UBE2W: variants seen among roughly 807,000 people sequenced by gnomAD.
UBE2W encodes the protein ubiquitin conjugating enzyme E2 W.
In UBE2W, 18 loss-of-function variants were observed where a neutral mutation model predicts 27.2. The ratio of observed to expected loss-of-function variants is 0.66; its 90% confidence interval spans 0.46 to 0.98. The LOEUF (loss-of-function observed/expected upper bound fraction) is 0.98. Ranked by LOEUF, UBE2W falls within the 50% of genes least tolerant of loss-of-function variation. UBE2W has a pLI of 0.00. For missense variants in UBE2W, 90 were observed against 180.2 expected (o/e 0.50, Z 2.87); for synonymous variants, 53 against 57.2 (o/e 0.93, Z 0.33).
intron 1 of UBE2W, among the ~76,000 whole-genome samples, chr8:73,844,719 C>T (rs1012528579): frequency 3.3e-5 from 5 of 151,068 alleles, no homozygotes; most frequent in African/African-American, 9.7e-5. Context: ...TCTGCCCAGC[C>T]GCCCATCGTC....
Position 73,788,121 on chromosome 8 carries a change from G to GA in UBE2W, c.*5980dup, listed in dbSNP as rs1469564997. The GA allele has an allele frequency of 3.1e-5, 30 of 983,346 alleles. No individual in the cohort carries two copies. Among genetic ancestry groups the GA allele is most frequent in the South Asian group, 9.4e-5 (2 of 21,250 alleles). The allele number at this position is 983,346 out of a possible 1,614,324, so 60.9% of individuals were successfully genotyped here. ...ATCCCATTTAGTATTCAAGTCTACA[G>GA]AAAAAATCCAATAACAACTGCTTTA... On this transcript the variant is annotated 3_prime_UTR_variant, in exon 6 of 6. Coordinates refer to ENST00000602593, the MANE Select transcript of UBE2W (RefSeq NM_018299.6).
chr8:73,814,264 G>C (rs1374708847), intron 3 of UBE2W, among the ~76,000 whole-genome samples: 1 of 152,140 alleles, frequency 6.6e-6, no homozygotes, highest in Non-Finnish European at 1.5e-5. Context: ...GGAGTTTCAA[G>C]TAGCTGACAA....
intron 3 of UBE2W, among the ~76,000 whole-genome samples, chr8:73,816,370 C>G (rs891003258): frequency 6.6e-6 from 1 of 152,098 alleles, no homozygotes; most frequent in African/African-American, 2.4e-5. Context: ...AACTGTTATT[C>G]AAAGACTTTG....
chr8:73,848,725 T>A (rs990453504), intron 1 of UBE2W, among the ~76,000 whole-genome samples: 8 of 152,104 alleles, frequency 5.3e-5, no homozygotes, highest in African/African-American at 1.4e-4. Context: ...AGGATGTGAT[T>A]ACCTTTAGGA....
chr8:73,812,930 G>T lies in UBE2W; in HGVS notation c.211-2301C>A, dbSNP rs542827065. On this transcript the variant is annotated intron_variant, in intron 3 of 5. Transcript: ENST00000602593. The stretch of plus-strand genomic sequence containing the variant: ...TGAGGCAGGAGAATTGCTTGAACCC[G>T]GGAGGCAGAGGTTGCAGTGAGCTGA... Among the ~76,000 whole-genome samples, 7 of 151,116 alleles carry T rather than the reference G, an allele frequency of 4.6e-5. No homozygotes were observed. In the South Asian group the frequency reaches 1.3e-3, roughly 27 times the overall value.
Position 73,787,343 on chromosome 8 carries a change from AAC to A in UBE2W, c.*6757_*6758del, listed in dbSNP as rs780227991. 1.6e-4 allele frequency: 158 copies of A among 985,456 alleles called. No homozygotes were observed. In the East Asian group the frequency reaches 4.0e-3, roughly 25 times the overall value. 61.0% of individuals were successfully genotyped at this position (985,456 alleles called of 1,614,324 possible). A position where few individuals can be genotyped will look rare whatever the true frequency, so the allele number is the denominator to read the frequency against. On this transcript the variant is annotated 3_prime_UTR_variant, in exon 6 of 6. Coordinates refer to ENST00000602593, the MANE Select transcript of UBE2W (RefSeq NM_018299.6). ...GAGTAAGAAATATAGGGAGGACATA[AAC>A]AGAGTCACTTATCCAGGGTAGCTTA... is the stretch of plus-strand genomic sequence containing the variant.
rs74541691 is a variant in UBE2W at position 73,805,753 on chromosome 8, T to C, written c.367-27A>G. ...TGAAACAAAAAATAATTTAAATAGG[T>C]TGAAAAACAGAAAAACTGAGAGGGT... is the stretch of plus-strand genomic sequence containing the variant. On this transcript the variant is annotated intron_variant, in intron 4 of 5. Transcript: ENST00000602593. 4.5e-3 allele frequency: 6,257 copies of C among 1,390,422 alleles called. 278 individuals are homozygous for C. The East Asian group carries it at 0.098, about 22-fold the overall frequency. 86.1% of individuals were successfully genotyped at this position (1,390,422 alleles called of 1,614,324 possible).
At chr8:73,798,962 G>A (rs139223721) in intron 5 of UBE2W, among the ~76,000 whole-genome samples, 2 of 151,722 alleles carry the variant, frequency 1.3e-5, no homozygotes, top group East Asian at 1.9e-4. Context: ...CCTGCTCAAT[G>A]GATTATTCAA....
At chr8:73,804,350 G>A (rs777638357) in intron 5 of UBE2W, among the ~76,000 whole-genome samples, 1 of 150,616 alleles carries the variant, frequency 6.6e-6, no homozygotes, top group Non-Finnish European at 1.5e-5. Flanking sequence ...AAATCACAGG[G>A]GATGGTTTTT....
intron 3 of UBE2W, among the ~76,000 whole-genome samples, chr8:73,821,737 C>T (rs1050436694): frequency 3.9e-5 from 6 of 152,070 alleles, no homozygotes; most frequent in Non-Finnish European, 2.9e-5. Context: ...GTGGCTCACA[C>T]ATGTAATCCC....
At chr8:73,856,722 T>C (rs1398411033) in intron 1 of UBE2W, among the ~76,000 whole-genome samples, 1 of 152,084 alleles carries the variant, frequency 6.6e-6, no homozygotes, top group Non-Finnish European at 1.5e-5. Context: ...TTTTTTTTTT[T>C]TGAGACAGGG....
chr8:73,817,907 A>G (rs7018439), intron 3 of UBE2W, among the ~76,000 whole-genome samples: 148,596 of 152,270 alleles, frequency 0.98, 72,514 homozygotes, highest in African/African-American at 0.99. Context: ...CCTTTTTGAT[A>G]AGCCCCAAAA....
Position 73,792,422 on chromosome 8 carries a change from CTT to C in UBE2W, c.*1678_*1679del, listed in dbSNP as rs1260696888. On this transcript the variant is annotated 3_prime_UTR_variant, in exon 6 of 6. Transcript: ENST00000602593. ...CCCACCCCTGAGTTCAGCAATTATA[CTT>C]TGAGTGTAAAATTATATGCCCTTAA... The C allele has an allele frequency of 5.6e-5, 55 of 985,256 alleles. No individual in the cohort carries two copies. Among genetic ancestry groups the C allele is most frequent in the Non-Finnish European group, 6.6e-5 (55 of 829,756 alleles). 61.0% of individuals were successfully genotyped at this position (985,256 alleles called of 1,614,324 possible). A position where few individuals can be genotyped will look rare whatever the true frequency, so the allele number is the denominator to read the frequency against.
chr8:73,826,837 T>C (rs995608546), intron 2 of UBE2W, among the ~76,000 whole-genome samples: 5 of 152,234 alleles, frequency 3.3e-5, no homozygotes, highest in African/African-American at 1.2e-4. Context: ...TAAATGACCC[T>C]ACATACGTAA....
rs1392140081 is a variant in UBE2W at position 73,789,797 on chromosome 8, A to G, written c.*4305T>C. ...AGATTGAAATGAGCCAAGATCGTGC[A>G]CTGCACTAAAGCCCGGGTGACAGAG... On this transcript the variant is annotated 3_prime_UTR_variant, in exon 6 of 6. Transcript: ENST00000602593. 1.7e-6 allele frequency: 1 copy of G among 578,432 alleles called. No homozygotes were observed. The highest frequency in any genetic ancestry group is 2.2e-6 in the Non-Finnish European group (1 of 458,590). The allele number at this position is 578,432 out of a possible 1,614,324, so 35.8% of individuals were successfully genotyped here.
intron 1 of UBE2W, among the ~76,000 whole-genome samples, chr8:73,865,071 A>T (rs537010176): frequency 9.2e-5 from 14 of 151,978 alleles, no homozygotes; most frequent in African/African-American, 2.9e-4. Context: ...AGCACAAAAA[A>T]GCGAAATAAT....
Position 73,793,850 on chromosome 8 carries a change from T to C in UBE2W, c.*252A>G. 1.6e-6 allele frequency: 2 copies of C among 1,218,572 alleles called. No homozygotes were observed. The highest frequency in any genetic ancestry group is 3.4e-5 in the East Asian group (1 of 29,174). 75.5% of individuals were successfully genotyped at this position (1,218,572 alleles called of 1,614,324 possible). A position where few individuals can be genotyped will look rare whatever the true frequency, so the allele number is the denominator to read the frequency against. On this transcript the variant is annotated 3_prime_UTR_variant, in exon 6 of 6. Transcript: ENST00000602593. ...AGCTTAAAAAAATAAAAATAAAAAA[T>C]GGAATTATATTTGACATTTCCTGAC...
At position 73,787,306 on chromosome 8, in the gene UBE2W, T is replaced by C; in HGVS notation, c.*6796A>G. 2.0e-6 allele frequency: 2 copies of C among 985,424 alleles called. No individual in the cohort carries two copies. The highest frequency in any genetic ancestry group is 1.7e-5 in the African/African-American group (1 of 57,352). 61.0% of individuals were successfully genotyped at this position (985,424 alleles called of 1,614,324 possible). A position where few individuals can be genotyped will look rare whatever the true frequency, so the allele number is the denominator to read the frequency against. ...TGTTTAATTTTGTTACGTGTTATGTTAGTGTGAAAATGAGTAAGAAATATA... is the reference window on the plus strand; with the variant it reads ...TGTTTAATTTTGTTACGTGTTATGTCAGTGTGAAAATGAGTAAGAAATATA... On this transcript the variant is annotated 3_prime_UTR_variant, in exon 6 of 6. Transcript: ENST00000602593.
chr8:73,872,530 G>A (rs1198931731), intron 1 of UBE2W, among the ~76,000 whole-genome samples: 1 of 152,098 alleles, frequency 6.6e-6, no homozygotes, highest in Non-Finnish European at 1.5e-5. Flanking sequence ...TTCTAATAGA[G>A]ACATAGCAGT....
Sources: allele counts gnomAD v4.1 joint callset (sites outside exome capture counted in the v4.1 genomes callset), GRCh38; gene constraint gnomAD v4.1.1; transcripts MANE v1.5; gene names NCBI Gene and HGNC (gene_info 2026-07-23, HGNC 2026-07-21).